The following TRPV1 variants were observed in gnomAD, a reference collection of about 807,000 sequenced individuals.
TRPV1 encodes the protein transient receptor potential cation channel subfamily V member 1.
A neutral mutation model predicts 82.3 loss-of-function variants in TRPV1; 82 were observed. The observed-to-expected ratio is 1.00, with a 90% CI of 0.83 to 1.20. TRPV1 has a LOEUF of 1.20. TRPV1 is among the 50% of genes most tolerant of loss of function. The probability of loss-of-function intolerance (pLI) is 0.00; values close to 1 mark genes in which losing one functional copy is unlikely to be tolerated. For synonymous variants in TRPV1, 515 were observed against 467.7 expected, an observed-to-expected ratio of 1.10 and a Z score of -1.30; for missense variants, 1,067 against 1,096.8, an observed-to-expected ratio of 0.97 and a Z score of 0.38.
At position 3,573,565 on chromosome 17, in the gene TRPV1, G is replaced by T. The variant is rs1444612120; in HGVS notation, c.2103+68C>A. On this transcript the variant is annotated intron_variant, in intron 14 of 16. Coordinates refer to ENST00000572705, the MANE Select transcript of TRPV1 (RefSeq NM_080704.4). ...CACCCACCCACCTGCAGCCAGCTGTGTAAGACAGCAGACAGAGCCGCCCAC... is the reference window on the plus strand; with the variant it reads ...CACCCACCCACCTGCAGCCAGCTGTTTAAGACAGCAGACAGAGCCGCCCAC... 4.5e-5 allele frequency: 12 copies of T among 264,706 alleles called. No homozygotes were observed. In the East Asian group the frequency reaches 7.4e-4, roughly 16 times the overall value. 16.4% of individuals were successfully genotyped at this position (264,706 alleles called of 1,614,324 possible).
At chr17:3,598,056 A>G (rs761966889) in intron 2 of TRPV1, among the ~76,000 whole-genome samples, 126 of 152,318 alleles carry the variant, frequency 8.3e-4, no homozygotes, top group Middle Eastern at 3.4e-3. Context: ...CACAGGAGAG[A>G]GTCACATACA....
chr17:3,582,027 A>G (rs1256424166), intron 10 of TRPV1, among the ~76,000 whole-genome samples: 7 of 146,812 alleles, frequency 4.8e-5, no homozygotes, highest in Admixed American at 3.5e-4. Context: ...CGTCTCTACT[A>G]AAAATACAAA....
chr17:3,593,083 TGTGTGTGTGTGTG>T (rs2075181067), intron 2 of TRPV1, among the ~76,000 whole-genome samples: 3 of 1,248 alleles, frequency 2.4e-3, no homozygotes, highest in Non-Finnish European at 4.2e-3. Flanking sequence ...TGTTTAGGCG[TGTGTGTGTGTGTG>T]TGTGTGTGTG....
chr17:3,583,113 C>T (rs1303155941), intron 10 of TRPV1, among the ~76,000 whole-genome samples: 1 of 152,142 alleles, frequency 6.6e-6, no homozygotes, highest in Non-Finnish European at 1.5e-5. Context: ...GCTGGAGTGT[C>T]TACTTTCAAG....
chr17:3,588,419 A>AGAC, intron 7 of TRPV1, 52 bp from the exon 8 acceptor site: 2 of 1,529,800 alleles, frequency 1.3e-6, no homozygotes, highest in Non-Finnish European at 1.8e-6. Context: ...GCTCAGCCTC[A>AGAC]GACAGTACCT....
intron 16 of TRPV1, among the ~76,000 whole-genome samples, chr17:3,568,182 C>A (rs546443425): frequency 6.6e-6 from 1 of 151,846 alleles, no homozygotes; most frequent in Admixed American, 6.6e-5. Context: ...ATTAGCCGGG[C>A]GTAGTGGCGG....
chr17:3,591,150 G>A, intron 4 of TRPV1, 34 bp from the exon 5 acceptor site: 1 of 1,609,910 alleles, frequency 6.2e-7, no homozygotes, highest in Non-Finnish European at 8.5e-7. Context: ...GGGCAGGCCA[G>A]GGCTGGGGCC....
intron 11 of TRPV1, chr17:3,578,315 TAAATAAACAAATAAATAAAC>T (rs1484585366): frequency 2.0e-5 from 3 of 147,170 alleles, no homozygotes; most frequent in East Asian, 2.0e-4. Context: ...CTCAAATAAA[TAAATAAACAAATAAATAAAC>T]AAATAAATAA....
In TRPV1 at chr17:3,566,813, C is replaced by T. The variant is rs1248475305; in HGVS notation, c.*2G>A. On this transcript the variant is annotated 3_prime_UTR_variant, in exon 17 of 17. Coordinates refer to ENST00000572705, the MANE Select transcript of TRPV1 (RefSeq NM_080704.4). The stretch of plus-strand genomic sequence containing the variant: ...GTTGACAGTGCTGTCTGCGTGACGT[C>T]CTCACTTCTCCCCGGAAGCGGCAGG... 3 of 1,613,396 alleles carry T rather than the reference C, an allele frequency of 1.9e-6. No homozygotes were observed. The highest frequency in any genetic ancestry group is 2.5e-6 in the Non-Finnish European group (3 of 1,179,742).
chr17:3,585,925 T>C lies in TRPV1; in HGVS notation c.1226A>G (p.Asn409Ser). Residue 409 changes from asparagine (N) to serine (S), a missense_variant and splice_region_variant, in exon 9 of 17, where the codon AAT becomes AGT. By Grantham distance (46) the Asn-to-Ser change is conservative. Coordinates refer to ENST00000572705, the MANE Select transcript of TRPV1 (RefSeq NM_080704.4). ...VIAYSSSETP[N>S]RHDMLLVEPL... ...CTCCACCAAGAGCATGTCGTGGCGA[T>C]TCTAGGGGGTGGGGAGAGAAGTGAG... The C allele has an allele frequency of 1.2e-6, 2 of 1,612,236 alleles. No homozygotes were observed. Among genetic ancestry groups the C allele is most frequent in the African/African-American group, 1.3e-5 (1 of 74,438 alleles).
chr17:3,582,004 C>A (rs12947515), intron 10 of TRPV1, among the ~76,000 whole-genome samples: 3 of 145,412 alleles, frequency 2.1e-5, no homozygotes, highest in Non-Finnish European at 4.5e-5. Context: ...TCCTGGCTAA[C>A]ACGGTGAAAC....
At chr17:3,597,799 G>A (rs567561159) in intron 2 of TRPV1, among the ~76,000 whole-genome samples, 2 of 149,318 alleles carry the variant, frequency 1.3e-5, no homozygotes, top group Admixed American at 6.7e-5. Flanking sequence ...TCAGCCTCCC[G>A]AATAGCTGCA....
chr17:3,568,262 C>T (rs1419151201), intron 16 of TRPV1, among the ~76,000 whole-genome samples: 1 of 149,126 alleles, frequency 6.7e-6, no homozygotes, highest in Non-Finnish European at 1.5e-5. Flanking sequence ...GTGGAGCTTG[C>T]AGTGAGCCAA....
At chr17:3,577,012 T>C (rs895791109) in intron 13 of TRPV1, 114 bp downstream of exon 13, 12 of 1,082,600 alleles carry the variant, frequency 1.1e-5, no homozygotes, top group Non-Finnish European at 1.6e-5. Flanking sequence ...CTCAGTCACC[T>C]GCAGACATGC....
At chr17:3,569,442 T>C (rs1357954348) in intron 16 of TRPV1, among the ~76,000 whole-genome samples, 1 of 151,930 alleles carries the variant, frequency 6.6e-6, no homozygotes, top group Non-Finnish European at 1.5e-5. Flanking sequence ...TAAAATAAAA[T>C]AAATAAAAAC....
At chr17:3,573,497 G>A (rs901374473) in intron 14 of TRPV1, 136 bp downstream of exon 14, 9 of 928,570 alleles carry the variant, frequency 9.7e-6, no homozygotes, top group Admixed American at 5.3e-5. Flanking sequence ...GTAAGGCAGC[G>A]GATAGAGAGG....
chr17:3,568,194 C>A (rs994433710), intron 16 of TRPV1, among the ~76,000 whole-genome samples: 3 of 151,120 alleles, frequency 2.0e-5, no homozygotes, highest in Non-Finnish European at 1.5e-5. Flanking sequence ...TAGTGGCGGG[C>A]GCCTGTAGTC....
At chr17:3,569,663 T>C (rs1314497070) in intron 16 of TRPV1, among the ~76,000 whole-genome samples, 1 of 152,120 alleles carries the variant, frequency 6.6e-6, no homozygotes, top group African/African-American at 2.4e-5. Flanking sequence ...GGAGGAAGGA[T>C]TCATGGGGGT....
intron 13 of TRPV1, among the ~76,000 whole-genome samples, chr17:3,576,874 GA>G (rs1266750050): frequency 7.0e-6 from 1 of 142,148 alleles, no homozygotes; most frequent in African/African-American, 2.6e-5. Context: ...AAAAAAAGTT[GA>G]AAAAACAACT....
Sources: gnomAD v4.1 joint callset for allele counts (sites outside exome capture counted in the v4.1 genomes callset) on GRCh38, gnomAD v4.1.1 for gene constraint, MANE v1.5 for transcripts, NCBI Gene and HGNC (gene_info 2026-07-23, HGNC 2026-07-21) for gene names.